GPHN: variants seen among roughly 807,000 people sequenced by gnomAD.
GPHN encodes the protein gephyrin.
In GPHN, 17 loss-of-function variants were observed where a neutral mutation model predicts 95.5. The observed-to-expected ratio is 0.18, with a 90% CI of 0.12 to 0.27. The LOEUF (loss-of-function observed/expected upper bound fraction) is 0.27. Ranked by LOEUF, GPHN falls within the 10% of genes least tolerant of loss-of-function variation. The pLI is 1.00. For missense variants in GPHN, 660 were observed against 978.1 expected (o/e 0.67, Z 4.34); for synonymous variants, 320 against 322.5 (o/e 0.99, Z 0.08).
the GPHN span, chr14:67,579,534 T>C: frequency 1.5e-6 from 1 of 658,400 alleles, no homozygotes; most frequent in East Asian, 2.8e-5. Context: ...GCCCAGTTCA[T>C]TTACAGTGGA....
intron 8 of GPHN, among the ~76,000 whole-genome samples, chr14:66,945,914 T>A (rs532902654): frequency 6.6e-6 from 1 of 152,216 alleles, no homozygotes; most frequent in African/African-American, 2.4e-5. Context: ...AACAAACTTT[T>A]GTGATTTCTA....
chr14:67,567,174 C>G, the GPHN span, among the ~76,000 whole-genome samples: 1 of 152,170 alleles, frequency 6.6e-6, no homozygotes, highest in Non-Finnish European at 1.5e-5. Context: ...TAAGAAATCA[C>G]AGTGGCCAGA....
the GPHN span, chr14:67,678,082 C>T: frequency 1.7e-5 from 7 of 422,298 alleles, no homozygotes; most frequent in African/African-American, 8.1e-5. Context: ...GTCTTCTTAT[C>T]CTATTATGAT....
chr14:67,230,744 G>C, the GPHN span, among the ~76,000 whole-genome samples: 1 of 152,168 alleles, frequency 6.6e-6, no homozygotes, highest in Non-Finnish European at 1.5e-5. Flanking sequence ...ATTGTCGTAT[G>C]GTCATACAGT....
At chr14:67,302,284 A>G in the GPHN span, 82 of 1,067,698 alleles carry the variant, frequency 7.7e-5, no homozygotes, top group Non-Finnish European at 1.0e-4. Flanking sequence ...TAGTTGTGTA[A>G]ATAAATTTTT....
At chr14:66,538,908 A>C (rs143935325) in intron 1 of GPHN, among the ~76,000 whole-genome samples, 1 of 152,220 alleles carries the variant, frequency 6.6e-6, no homozygotes. Context: ...GTAGAGGCTG[A>C]AGGTGATATC....
the GPHN span, among the ~76,000 whole-genome samples, chr14:67,480,074 T>C: frequency 6.6e-6 from 1 of 152,202 alleles, no homozygotes; most frequent in Non-Finnish European, 1.5e-5. Flanking sequence ...AGAAGGCTGT[T>C]GTGAGGACGA....
At chr14:66,835,124 T>C (rs1205631747) in intron 4 of GPHN, among the ~76,000 whole-genome samples, 7 of 151,650 alleles carry the variant, frequency 4.6e-5, no homozygotes, top group Admixed American at 6.6e-5. Flanking sequence ...TTTTTTATTG[T>C]GTCTATTTGA....
At chr14:66,510,508 A>T (rs2058001901) in intron 1 of GPHN, among the ~76,000 whole-genome samples, 1 of 152,222 alleles carries the variant, frequency 6.6e-6, no homozygotes, top group African/African-American at 2.4e-5. Flanking sequence ...TCTAATATGG[A>T]TAACATTGAT....
chr14:66,598,279 G>A (rs535662195), intron 1 of GPHN, among the ~76,000 whole-genome samples: 31 of 152,162 alleles, frequency 2.0e-4, no homozygotes, highest in African/African-American at 2.4e-4. Context: ...TTAAGTGTTC[G>A]TACCAGAAGA....
At chr14:67,392,998 G>A in the GPHN span, 21 of 866,180 alleles carry the variant, frequency 2.4e-5, no homozygotes, top group East Asian at 1.5e-4. Flanking sequence ...GCATAGAGCC[G>A]TGGCTGCACA....
chr14:67,133,953 AAAAATGAAAGGGAGAAGAGT>A (rs2079882417), intron 17 of GPHN, among the ~76,000 whole-genome samples: 1 of 152,240 alleles, frequency 6.6e-6, no homozygotes, highest in South Asian at 2.1e-4. Context: ...TCTTATGTTC[AAAAATGAAAGGGAGAAGAGT>A]ATTATCTACA....
At chr14:67,374,593 A>G in the GPHN span, 4 of 1,310,272 alleles carry the variant, frequency 3.1e-6, no homozygotes, top group Non-Finnish European at 3.2e-6. Flanking sequence ...TGTGTGTTTA[A>G]TAAATAATTT....
chr14:66,974,060 C>T (rs2070024256), intron 9 of GPHN, among the ~76,000 whole-genome samples: 1 of 152,130 alleles, frequency 6.6e-6, no homozygotes. Flanking sequence ...GATTTCTGCC[C>T]TAATTCTCTG....
chr14:67,491,403 T>C, the GPHN span, among the ~76,000 whole-genome samples: 1 of 152,288 alleles, frequency 6.6e-6, no homozygotes, highest in Non-Finnish European at 1.5e-5. Context: ...AAGCATTTGG[T>C]CTTTCTGGAG....
the GPHN span, among the ~76,000 whole-genome samples, chr14:67,532,699 T>G: frequency 6.6e-6 from 1 of 152,182 alleles, no homozygotes; most frequent in Non-Finnish European, 1.5e-5. Flanking sequence ...GCAAGTAAGT[T>G]ACTCTCTGGG....
the GPHN span, chr14:67,199,325 G>C: frequency 1.2e-6 from 2 of 1,612,558 alleles, no homozygotes; most frequent in African/African-American, 2.7e-5. Context: ...GGTGAACAAG[G>C]CATCAGCTCA....
At chr14:67,118,620 C>T (rs185038197) in intron 16 of GPHN, among the ~76,000 whole-genome samples, 23 of 151,780 alleles carry the variant, frequency 1.5e-4, no homozygotes, top group Admixed American at 1.4e-3. Flanking sequence ...CCCAGCTACT[C>T]GGGAGGCTGA....
At chr14:66,968,447 G>A (rs1195570598) in intron 9 of GPHN, among the ~76,000 whole-genome samples, 1 of 152,066 alleles carries the variant, frequency 6.6e-6, no homozygotes, top group East Asian at 1.9e-4. Flanking sequence ...GTACATATTA[G>A]TGTTAGCCAA....
Sources: allele counts gnomAD v4.1 joint callset (sites outside exome capture counted in the v4.1 genomes callset), GRCh38; gene constraint gnomAD v4.1.1; transcripts MANE v1.5; gene names NCBI Gene and HGNC (gene_info 2026-07-23, HGNC 2026-07-21).